SVIL: variants seen among roughly 807,000 people sequenced by gnomAD.
The protein encoded by SVIL is archvillin.
A neutral mutation model predicts 240.4 loss-of-function variants in SVIL; 101 were observed. The ratio of observed to expected loss-of-function variants is 0.42; its 90% confidence interval spans 0.36 to 0.50. SVIL has a LOEUF of 0.50. SVIL is among the 20% of genes least tolerant of loss of function. The pLI, the probability that SVIL is intolerant of heterozygous loss-of-function variation, is 0.01. For missense variants in SVIL, 2,512 were observed against 2,818.7 expected, an observed-to-expected ratio of 0.89 and a Z score of 2.46; for synonymous variants, 999 against 1,100.0, an observed-to-expected ratio of 0.91 and a Z score of 1.82.
intron 17 of SVIL, chr10:29,507,673 CAGA>C: frequency 1.2e-6 from 1 of 808,262 alleles, no homozygotes. Context: ...AAAATTAAAA[CAGA>C]AGTTCTTTTC....
Position 29,529,841 on chromosome 10 carries a change from T to C in SVIL, c.2110A>G (p.Met704Val). 6.2e-7 allele frequency: 1 copy of C among 1,608,854 alleles called. No homozygotes were observed. Among genetic ancestry groups the C allele is most frequent in the Non-Finnish European group, 8.5e-7 (1 of 1,178,174 alleles). ...TTTTGTTCATCAAAAGATTTTTCCA[T>C]CTCCTAAGATTAGAAGTATTGTGGA... ...VAAKRLLFREMEKSFDEQNVP... is the reference protein window; with the variant it reads ...VAAKRLLFREVEKSFDEQNVP... Residue 704 changes from methionine (M) to valine (V), a missense_variant, in exon 12 of 38, where the codon ATG becomes GTG. By Grantham distance (21) the Met-to-Val change is conservative. This residue lies in a region of SVIL where 1,443 missense variants were observed against 1,486.6 expected (regional missense o/e 0.97). Transcript: ENST00000355867.
intron 1 of SVIL, among the ~76,000 whole-genome samples, chr10:29,633,384 T>A (rs1175930135): frequency 6.6e-6 from 1 of 152,108 alleles, no homozygotes; most frequent in East Asian, 1.9e-4. Flanking sequence ...CACCAGCAGT[T>A]TGGCCAGGGT....
intron 16 of SVIL, among the ~76,000 whole-genome samples, chr10:29,518,413 A>C (rs889021824): frequency 1.6e-4 from 24 of 152,084 alleles, no homozygotes; most frequent in African/African-American, 5.3e-4. Flanking sequence ...TAAATAAATA[A>C]ATATAAAAAT....
At chr10:29,537,485 A>C (rs540372066) in intron 6 of SVIL, among the ~76,000 whole-genome samples, 1 of 152,334 alleles carries the variant, frequency 6.6e-6, no homozygotes, top group East Asian at 1.9e-4. Context: ...ACCTTGTTTT[A>C]ACAACATAAA....
chr10:29,572,763 C>CAAAAAAAAAAAAAAAAAAAAAAAA (rs375180538), intron 1 of SVIL, among the ~76,000 whole-genome samples: 13 of 81,300 alleles, frequency 1.6e-4, no homozygotes, highest in African/African-American at 3.3e-4. Context: ...GATCCTATCT[C>CAAAAAAAAAAAAAAAAAAAAAAAA]AAAAAAAAAA....
chr10:29,487,128 G>A (rs774171991), intron 24 of SVIL, 35 bp downstream of exon 24: 1 of 1,610,236 alleles, frequency 6.2e-7, no homozygotes, highest in Non-Finnish European at 8.5e-7. Flanking sequence ...TAAAGGAGAT[G>A]TTAGCTAAAG....
At chr10:29,696,979 C>T (rs1962105422) in intron 1 of SVIL, among the ~76,000 whole-genome samples, 1 of 144,154 alleles carries the variant, frequency 6.9e-6, no homozygotes, top group South Asian at 2.2e-4. Flanking sequence ...GGGGTCAGCC[C>T]CTCGCCCAGC....
intron 1 of SVIL, among the ~76,000 whole-genome samples, chr10:29,596,459 C>G (rs771548336): frequency 6.6e-6 from 1 of 151,966 alleles, no homozygotes; most frequent in African/African-American, 2.4e-5. Context: ...GGCAACAGAG[C>G]GAGGCCCTGT....
chr10:29,632,026 G>A (rs1392708842), intron 1 of SVIL, among the ~76,000 whole-genome samples: 1 of 152,214 alleles, frequency 6.6e-6, no homozygotes, highest in Non-Finnish European at 1.5e-5. Flanking sequence ...TGCAGATTCA[G>A]GAGATGATTC....
At chr10:29,685,921 T>C (rs1041340472) in intron 2 of SVIL, among the ~76,000 whole-genome samples, 7 of 152,202 alleles carry the variant, frequency 4.6e-5, no homozygotes, top group Non-Finnish European at 7.3e-5. Context: ...TCTCCATCAA[T>C]GGAGAGCTTC....
chr10:29,499,179 T>G lies in SVIL; in HGVS notation c.3601A>C (p.Arg1201=). The change falls in exon 18 of 38, where the codon AGA becomes CGA. Residue 1201 remains arginine, a synonymous_variant. Transcript: ENST00000355867. The stretch of plus-strand genomic sequence containing the variant: ...GAGTCGTTGGCCGCTCCTCTGCCTC[T>G]CGTCTTCCAGGCCTCCTCTCTCACA... ...ITVREEAWKT[R]GRGAANDSTQ... The G allele has an allele frequency of 6.2e-7, 1 of 1,614,168 alleles. No homozygotes were observed.
intron 30 of SVIL, among the ~76,000 whole-genome samples, chr10:29,472,543 A>G (rs186918361): frequency 6.6e-6 from 1 of 152,368 alleles, no homozygotes; most frequent in Non-Finnish European, 1.5e-5. Flanking sequence ...AATTGCTGCT[A>G]CTCAGCAAGT....
intron 1 of SVIL, among the ~76,000 whole-genome samples, chr10:29,613,783 C>T (rs1034856104): frequency 1.3e-5 from 2 of 152,210 alleles, no homozygotes; most frequent in African/African-American, 4.8e-5. Flanking sequence ...TATGCAGATA[C>T]TCACCTATAA....
At chr10:29,713,963 C>T (rs900106724) in intron 1 of SVIL, among the ~76,000 whole-genome samples, 12 of 152,208 alleles carry the variant, frequency 7.9e-5, no homozygotes, top group Non-Finnish European at 1.2e-4. Flanking sequence ...AGCATTTCTC[C>T]AATTTCCATG....
At chr10:29,682,733 G>A (rs1296206072) in intron 2 of SVIL, among the ~76,000 whole-genome samples, 1 of 152,180 alleles carries the variant, frequency 6.6e-6, no homozygotes. Flanking sequence ...GCTTTTCTAG[G>A]TTCAAGTGTA....
At chr10:29,571,429 A>C (rs1955412767) in intron 1 of SVIL, among the ~76,000 whole-genome samples, 1 of 152,052 alleles carries the variant, frequency 6.6e-6, no homozygotes. Context: ...ACAAAGAAAA[A>C]CCTACAGAGA....
At chr10:29,618,586 T>C (rs1158313688) in intron 1 of SVIL, among the ~76,000 whole-genome samples, 1 of 152,196 alleles carries the variant, frequency 6.6e-6, no homozygotes, top group Non-Finnish European at 1.5e-5. Context: ...TTTTCACTCA[T>C]GTGTGACGAC....
intron 1 of SVIL, among the ~76,000 whole-genome samples, chr10:29,607,816 A>G (rs948096692): frequency 6.6e-6 from 1 of 152,212 alleles, no homozygotes; most frequent in African/African-American, 2.4e-5. Context: ...CCTGACTCCA[A>G]CCCCTTCACG....
intron 2 of SVIL, among the ~76,000 whole-genome samples, chr10:29,679,313 G>A (rs1960444200): frequency 6.6e-6 from 1 of 152,160 alleles, no homozygotes; most frequent in Non-Finnish European, 1.5e-5. Flanking sequence ...CAAATGTCAT[G>A]GTAAATAAAA....
Sources: gnomAD v4.1 joint callset for allele counts (sites outside exome capture counted in the v4.1 genomes callset) on GRCh38, gnomAD v4.1.1 for gene constraint, gnomAD v4.1.1 regional missense constraint, MANE v1.5 for transcripts, NCBI Gene and HGNC (gene_info 2026-07-23, HGNC 2026-07-21) for gene names.